KCNIP4: variants seen among roughly 807,000 people sequenced by gnomAD.
KCNIP4 encodes Kv channel-interacting protein 4.
A neutral mutation model predicts 34.0 loss-of-function variants in KCNIP4; 12 were observed. The ratio of observed to expected loss-of-function variants is 0.35; its 90% CI spans 0.23 to 0.57. The LOEUF (loss-of-function observed/expected upper bound fraction) is 0.57, where lower values mean the gene tolerates loss of function less well. Among genes scored for constraint, KCNIP4 ranks in the 20% least tolerant of loss-of-function variants. The probability of loss-of-function intolerance (pLI) is 0.83; values close to 1 mark genes in which losing one functional copy is unlikely to be tolerated. For synonymous variants in KCNIP4, 124 were observed against 102.2 expected, an observed-to-expected ratio of 1.21 and a Z score of -1.29; for missense variants, 238 against 311.7, an observed-to-expected ratio of 0.76 and a Z score of 1.78.
rs184605829 is a variant in KCNIP4 at position 21,519,685 on chromosome 4, T to C, written c.61+428886A>G. Among the ~76,000 whole-genome samples, 248 of 124,208 alleles carry C rather than the reference T, an allele frequency of 2.0e-3. 4 individuals carry two copies. The highest frequency in any genetic ancestry group is 7.5e-3 in the African/African-American group (235 of 31,126). 81.5% of individuals were successfully genotyped at this position (124,208 alleles called of 152,430 possible). A position where few individuals can be genotyped will look rare whatever the true frequency, so the allele number is the denominator to read the frequency against. ...ATATACACGTGTGTGTATGTATGTG[T>C]ATATACACACGTGTGTGTATGTATG... On this transcript the variant is annotated intron_variant, in intron 1 of 8. Coordinates refer to ENST00000382152, the MANE Select transcript of KCNIP4 (RefSeq NM_025221.6).
chr4:21,745,275 T>A (rs1476681673), intron 1 of KCNIP4, among the ~76,000 whole-genome samples: 1 of 152,178 alleles, frequency 6.6e-6, no homozygotes, highest in Non-Finnish European at 1.5e-5. Context: ...AAGACAAGTG[T>A]CCTTCACTTG....
At chr4:21,796,323 C>A (rs1720621991) in intron 1 of KCNIP4, among the ~76,000 whole-genome samples, 3 of 152,130 alleles carry the variant, frequency 2.0e-5, no homozygotes, top group Admixed American at 2.0e-4. Context: ...TCAGCTTTCT[C>A]CCCTCCCTGT....
At chr4:20,830,574 A>G (rs978461756) in intron 3 of KCNIP4, among the ~76,000 whole-genome samples, 5 of 152,214 alleles carry the variant, frequency 3.3e-5, no homozygotes, top group African/African-American at 9.6e-5. Context: ...CTAATTAGCT[A>G]TATGGCCTTG....
At chr4:21,341,802 A>G (rs1716791066) in intron 1 of KCNIP4, among the ~76,000 whole-genome samples, 1 of 152,124 alleles carries the variant, frequency 6.6e-6, no homozygotes, top group African/African-American at 2.4e-5. Flanking sequence ...GGTTTCTGCT[A>G]TCACCACAGT....
chr4:21,014,756 A>T (rs549368866), intron 1 of KCNIP4, among the ~76,000 whole-genome samples: 1 of 152,298 alleles, frequency 6.6e-6, no homozygotes, highest in Non-Finnish European at 1.5e-5. Flanking sequence ...CAGCAATTCT[A>T]CCTTTACGTG....
At chr4:21,932,162 C>G (rs770070402) in intron 1 of KCNIP4, among the ~76,000 whole-genome samples, 3 of 152,060 alleles carry the variant, frequency 2.0e-5, no homozygotes, top group Admixed American at 1.3e-4. Flanking sequence ...TAAATAGGCA[C>G]TAGTACCATG....
chr4:21,445,433 C>T (rs865862654), intron 1 of KCNIP4, among the ~76,000 whole-genome samples: 8 of 152,084 alleles, frequency 5.3e-5, no homozygotes, highest in African/African-American at 1.4e-4. Flanking sequence ...GAGATATAGA[C>T]CAACGGAACA....
chr4:21,011,150 T>C (rs768975732), intron 1 of KCNIP4, among the ~76,000 whole-genome samples: 1 of 152,194 alleles, frequency 6.6e-6, no homozygotes, highest in Non-Finnish European at 1.5e-5. Flanking sequence ...TAAAAACATA[T>C]ATAAGTAATT....
intron 1 of KCNIP4, among the ~76,000 whole-genome samples, chr4:21,177,466 G>C (rs1754495902): frequency 6.6e-6 from 1 of 152,000 alleles, no homozygotes; most frequent in African/African-American, 2.4e-5. Context: ...CTTCTTCATA[G>C]CAGGGCTCAA....
intron 1 of KCNIP4, among the ~76,000 whole-genome samples, chr4:21,772,403 T>A (rs1320685302): frequency 6.6e-6 from 1 of 152,138 alleles, no homozygotes; most frequent in African/African-American, 2.4e-5. Context: ...GTTTTGTCTC[T>A]TCCCAGTTTT....
At chr4:21,202,400 TG>T (rs1756559730) in intron 1 of KCNIP4, among the ~76,000 whole-genome samples, 1 of 152,074 alleles carries the variant, frequency 6.6e-6, no homozygotes, top group South Asian at 2.1e-4. Flanking sequence ...GACATAAAGA[TG>T]GAAACAATAG....
intron 1 of KCNIP4, among the ~76,000 whole-genome samples, chr4:21,814,704 C>T (rs752605011): frequency 1.4e-4 from 22 of 152,136 alleles, no homozygotes; most frequent in Non-Finnish European, 1.8e-4. Context: ...TTTTCAGACT[C>T]GTACACCTCT....
intron 3 of KCNIP4, among the ~76,000 whole-genome samples, chr4:20,761,554 T>C (rs1754962966): frequency 6.6e-6 from 1 of 152,164 alleles, no homozygotes; most frequent in Non-Finnish European, 1.5e-5. Flanking sequence ...AGAGAGTAAA[T>C]ACCTGGCTCT....
chr4:21,015,377 T>G (rs1739411000), intron 1 of KCNIP4, among the ~76,000 whole-genome samples: 1 of 146,244 alleles, frequency 6.8e-6, no homozygotes, highest in Non-Finnish European at 1.5e-5. Flanking sequence ...CTTCTCACAA[T>G]TCCTTATAAC....
chr4:20,837,982 G>A (rs746188319), intron 3 of KCNIP4, among the ~76,000 whole-genome samples: 1 of 151,614 alleles, frequency 6.6e-6, no homozygotes, highest in Non-Finnish European at 1.5e-5. Flanking sequence ...GAGACACCAC[G>A]CCCGGCCTCA....
At chr4:20,748,596 ATATATATATTC>A (rs1412933121) in intron 5 of KCNIP4, among the ~76,000 whole-genome samples, 1,609 of 111,762 alleles carry the variant, frequency 0.014, 12 homozygotes, top group Non-Finnish European at 0.024. Flanking sequence ...ATATATATAT[ATATATATATTC>A]CATAAGTAAA....
rs985983467 is a variant in KCNIP4, at chr4:21,287,802, C to T, written c.62-405093G>A. Among the ~76,000 whole-genome samples, 9 of 152,126 alleles carry T rather than the reference C, an allele frequency of 5.9e-5. No individual in the cohort carries two copies. In the East Asian group the frequency reaches 1.7e-3, roughly 29 times the overall value. On this transcript the variant is annotated intron_variant, in intron 1 of 8. Transcript: ENST00000382152. ...ATTTTTGCCTTCTTTAACTTTCCAT[C>T]CACCTTATCCTGCTTTTTGCACTTT...
intron 1 of KCNIP4, among the ~76,000 whole-genome samples, chr4:21,173,428 C>T (rs1376436890): frequency 1.3e-5 from 2 of 152,162 alleles, no homozygotes; most frequent in Admixed American, 6.5e-5. Flanking sequence ...AATAACAAAG[C>T]GATGAGAGGT....
chr4:21,598,962 A>G (rs2109114312), intron 1 of KCNIP4, among the ~76,000 whole-genome samples: 2 of 152,258 alleles, frequency 1.3e-5, no homozygotes, highest in Middle Eastern at 3.4e-3. Context: ...CAGGGAACAG[A>G]CATCTCAGAA....
Sources: gnomAD v4.1 joint callset for allele counts (sites outside exome capture counted in the v4.1 genomes callset) on GRCh38, gnomAD v4.1.1 for gene constraint, MANE v1.5 for transcripts, NCBI Gene and HGNC (gene_info 2026-07-23, HGNC 2026-07-21) for gene names.